Variants in DLG2 observed in about 807,000 individuals in gnomAD.
DLG2 encodes the protein disks large homolog 2.
DLG2 carries 45 observed loss-of-function variants against 132.5 expected under a neutral mutation model. The ratio of observed to expected loss-of-function variants is 0.34; its 90% CI spans 0.27 to 0.44. DLG2 has a LOEUF of 0.44. Among genes scored for constraint, DLG2 ranks in the 20% least tolerant of loss-of-function variants. The pLI is 1.00. For synonymous variants in DLG2, 424 were observed against 419.6 expected (o/e 1.01, Z -0.13); for missense variants, 1,045 against 1,196.9 (o/e 0.87, Z 1.87).
intron 6 of DLG2, among the ~76,000 whole-genome samples, chr11:84,995,709 A>T (rs2057579678): frequency 6.6e-6 from 1 of 152,156 alleles, no homozygotes; most frequent in Non-Finnish European, 1.5e-5. Context: ...AACTTAAAGT[A>T]ACTTAAGCAA....
At chr11:84,885,537 C>A (rs547697615) in intron 6 of DLG2, among the ~76,000 whole-genome samples, 101 of 152,126 alleles carry the variant, frequency 6.6e-4, no homozygotes, top group African/African-American at 2.4e-3. Flanking sequence ...GTATGGAAAT[C>A]AGAGTTGGAA....
intron 8 of DLG2, among the ~76,000 whole-genome samples, chr11:84,198,806 C>T (rs1201196232): frequency 6.6e-6 from 1 of 152,088 alleles, no homozygotes; most frequent in African/African-American, 2.4e-5. Context: ...TGACTTTGCA[C>T]TCATGGTAAC....
In DLG2 at chr11:85,022,393, G is replaced by A. The variant is rs772420695; in HGVS notation, c.357+89268C>T. Among the ~76,000 whole-genome samples the A allele has an allele frequency of 4.0e-5, 6 of 151,896 alleles. No homozygotes were observed. In the South Asian group the frequency reaches 6.2e-4, roughly 16 times the overall value. On this transcript the variant is annotated intron_variant, in intron 6 of 27. Coordinates refer to ENST00000376104, the MANE Select transcript of DLG2 (RefSeq NM_001142699.3). ...AAGACAAAAATAATATATACTTTGC[G>A]ACTAAGGAAAATAATATAACCACAA... is the stretch of plus-strand genomic sequence containing the variant.
At chr11:83,534,506 C>T (rs1434915132) in intron 20 of DLG2, among the ~76,000 whole-genome samples, 1 of 152,112 alleles carries the variant, frequency 6.6e-6, no homozygotes, top group African/African-American at 2.4e-5. Context: ...TTTGTGTTCC[C>T]AACTGAAACA....
intron 9 of DLG2, among the ~76,000 whole-genome samples, chr11:84,137,341 A>G (rs1286592753): frequency 1.3e-5 from 2 of 152,106 alleles, no homozygotes; most frequent in Non-Finnish European, 2.9e-5. Context: ...AAAGAGAAAA[A>G]AATAGCCCCA....
chr11:85,295,322 C>A (rs2079149551), intron 3 of DLG2, among the ~76,000 whole-genome samples: 1 of 152,136 alleles, frequency 6.6e-6, no homozygotes, highest in African/African-American at 2.4e-5. Flanking sequence ...TTCCCAATAT[C>A]TTCCAATCTG....
rs536693986 is a variant in DLG2 at position 84,717,458 on chromosome 11, A to G, written c.358-182727T>C. Among the ~76,000 whole-genome samples, 10 of 152,162 alleles carry G rather than the reference A, an allele frequency of 6.6e-5. No homozygotes were observed. The South Asian group carries it at 1.0e-3, about 16-fold the overall frequency. On this transcript the variant is annotated intron_variant, in intron 6 of 27. Coordinates refer to ENST00000376104, the MANE Select transcript of DLG2 (RefSeq NM_001142699.3). Reference sequence around the variant, plus strand: ...TAAATTTGAGACCAAAGGGAACAAGAGCAGTTTATTGCTATGCCTCCAGTG... The same window carrying G: ...TAAATTTGAGACCAAAGGGAACAAGGGCAGTTTATTGCTATGCCTCCAGTG...
At chr11:84,688,227 G>A (rs1344273614) in intron 6 of DLG2, among the ~76,000 whole-genome samples, 1 of 152,122 alleles carries the variant, frequency 6.6e-6, no homozygotes, top group Non-Finnish European at 1.5e-5. Flanking sequence ...AAGGCCTCTT[G>A]ACATAGCAGA....
At chr11:84,231,703 T>C (rs2097096078) in intron 8 of DLG2, among the ~76,000 whole-genome samples, 1 of 152,076 alleles carries the variant, frequency 6.6e-6, no homozygotes, top group Non-Finnish European at 1.5e-5. Flanking sequence ...TATGAGTCAA[T>C]GCAAGACCAC....
chr11:84,335,486 A>G (rs1284924464), intron 7 of DLG2, among the ~76,000 whole-genome samples: 1 of 152,240 alleles, frequency 6.6e-6, no homozygotes, highest in Non-Finnish European at 1.5e-5. Flanking sequence ...ATTGATCTCC[A>G]AGGAATTCTG....
chr11:83,530,454 C>T (rs1346200216), intron 21 of DLG2, among the ~76,000 whole-genome samples: 1 of 151,530 alleles, frequency 6.6e-6, no homozygotes, highest in Non-Finnish European at 1.5e-5. Flanking sequence ...TTGACCATAA[C>T]TTGTGATTCT....
intron 4 of DLG2, among the ~76,000 whole-genome samples, chr11:85,226,491 T>C (rs572621600): frequency 2.0e-5 from 3 of 152,166 alleles, no homozygotes; most frequent in Admixed American, 6.6e-5. Flanking sequence ...AGTTCAAGGC[T>C]ACAGTGAGCT....
chr11:84,435,912 G>A (rs2098999237), intron 7 of DLG2, among the ~76,000 whole-genome samples: 1 of 152,086 alleles, frequency 6.6e-6, no homozygotes, highest in African/African-American at 2.4e-5. Context: ...GTGGCTGTCA[G>A]AGCCATTTAT....
At chr11:85,521,675 T>C (rs987869641) in intron 3 of DLG2, among the ~76,000 whole-genome samples, 6 of 152,190 alleles carry the variant, frequency 3.9e-5, no homozygotes, top group African/African-American at 2.4e-5. Context: ...AAAATGCTCA[T>C]GGACCTGCTA....
chr11:85,571,315 G>A (rs2077831211), intron 3 of DLG2, among the ~76,000 whole-genome samples: 1 of 152,128 alleles, frequency 6.6e-6, no homozygotes, highest in African/African-American at 2.4e-5. Context: ...AACCTTTTAT[G>A]AACTAATTTT....
At chr11:84,290,906 T>C (rs1310552344) in intron 7 of DLG2, among the ~76,000 whole-genome samples, 1 of 152,054 alleles carries the variant, frequency 6.6e-6, no homozygotes, top group Non-Finnish European at 1.5e-5. Flanking sequence ...TTGCTTAAAC[T>C]CTCTCTGAAG....
rs185698071 is a variant in DLG2 at position 85,247,829 on chromosome 11, T to C, written c.186+37391A>G. On this transcript the variant is annotated intron_variant, in intron 4 of 27. Transcript: ENST00000376104. ...TTTTCCTAAATCACAGGAGTATATA[T>C]TATATTAGATACTTCTGTTGATCCT... Among the ~76,000 whole-genome samples the C allele has an allele frequency of 2.2e-3, 341 of 152,202 alleles. 1 individual carries two copies. Among genetic ancestry groups the C allele is most frequent in the African/African-American group, 7.9e-3 (330 of 41,554 alleles).
Position 84,241,943 on chromosome 11 carries a change from C to T in DLG2, c.573+9295G>A, listed in dbSNP as rs745853206. 2.6e-4 allele frequency among the ~76,000 whole-genome samples: 39 copies of T among 152,290 alleles called. 1 individual carries two copies. Among genetic ancestry groups the T allele is most frequent in the Non-Finnish European group, 5.1e-4 (35 of 68,024 alleles). ...TAACAACCTGACCTGTGAGACCTGA[C>T]GCTGCCAGTTCACAGACTGCACCTT... On this transcript the variant is annotated intron_variant, in intron 8 of 27. Coordinates refer to ENST00000376104, the MANE Select transcript of DLG2 (RefSeq NM_001142699.3).
intron 14 of DLG2, among the ~76,000 whole-genome samples, chr11:83,945,804 C>CTA (rs1206327908): frequency 1.9e-4 from 12 of 62,130 alleles, no homozygotes; most frequent in Non-Finnish European, 3.9e-4. Context: ...AGAGAAATGC[C>CTA]TCTGTGTGTG....
Sources: allele counts gnomAD v4.1 joint callset (sites outside exome capture counted in the v4.1 genomes callset), GRCh38; gene constraint gnomAD v4.1.1; transcripts MANE v1.5; gene names NCBI Gene and HGNC (gene_info 2026-07-23, HGNC 2026-07-21).